The following THSD7A variants were observed in gnomAD, a reference collection of about 807,000 sequenced individuals.
The protein encoded by THSD7A is thrombospondin type-1 domain-containing protein 7A.
Under a neutral mutation model 231.3 loss-of-function variants are expected in THSD7A, and 96 were observed. That is an observed-to-expected ratio of 0.41 (90% CI 0.35 to 0.49). THSD7A has a LOEUF of 0.49. Ranked by LOEUF, THSD7A falls within the 20% of genes least tolerant of loss-of-function variation. The pLI, the probability that THSD7A is intolerant of heterozygous loss-of-function variation, is 0.05. For synonymous variants in THSD7A, 940 were observed against 743.3 expected, an observed-to-expected ratio of 1.26 and a Z score of -4.30; for missense variants, 2,290 against 2,070.2, an observed-to-expected ratio of 1.11 and a Z score of -2.06.
intron 1 of THSD7A, among the ~76,000 whole-genome samples, chr7:11,713,435 A>G (rs1207440109): frequency 6.6e-6 from 1 of 151,212 alleles, no homozygotes; most frequent in Non-Finnish European, 1.5e-5. Context: ...TGTCATAAAT[A>G]AGACTCCCTG....
At position 11,370,610 on chromosome 7, in the gene THSD7A, C is replaced by A. The variant is rs1252442232; in HGVS notation, c.*5184G>T. On this transcript the variant is annotated 3_prime_UTR_variant, in exon 28 of 28. Coordinates refer to ENST00000423059, the MANE Select transcript of THSD7A (RefSeq NM_015204.3). ...GTTAATTGTACATAGACATTTTGTGCGTTAAAAAGGAAATGTACATAATGT... is the reference window on the plus strand; with the variant it reads ...GTTAATTGTACATAGACATTTTGTGAGTTAAAAAGGAAATGTACATAATGT... 3.9e-5 allele frequency: 6 copies of A among 152,010 alleles called. No homozygotes were observed. The highest frequency in any genetic ancestry group is 2.1e-4 in the South Asian group (1 of 4,812). 9.4% of individuals were successfully genotyped at this position (152,010 alleles called of 1,614,324 possible). A position where few individuals can be genotyped will look rare whatever the true frequency, so the allele number is the denominator to read the frequency against.
At chr7:11,618,449 A>G (rs1049364404) in intron 2 of THSD7A, among the ~76,000 whole-genome samples, 36 of 152,212 alleles carry the variant, frequency 2.4e-4, no homozygotes, top group Non-Finnish European at 4.6e-4. Context: ...CCTTATTAAC[A>G]TAACTTACAC....
chr7:11,381,303 AGTT>A (rs929002090), intron 24 of THSD7A, among the ~76,000 whole-genome samples: 1 of 152,136 alleles, frequency 6.6e-6, no homozygotes, highest in African/African-American at 2.4e-5. Flanking sequence ...GACCACAGGG[AGTT>A]GTTATTATTA....
At chr7:11,390,560 G>A (rs998318742) in intron 23 of THSD7A, among the ~76,000 whole-genome samples, 2 of 152,142 alleles carry the variant, frequency 1.3e-5, no homozygotes, top group Admixed American at 1.3e-4. Context: ...TGCTCTTTTA[G>A]CTCAGAGGAG....
chr7:11,786,876 T>C (rs1202761244), intron 1 of THSD7A, among the ~76,000 whole-genome samples: 2 of 152,006 alleles, frequency 1.3e-5, no homozygotes, highest in African/African-American at 2.4e-5. Flanking sequence ...AAATTATACA[T>C]GCTTGCTGTC....
intron 23 of THSD7A, among the ~76,000 whole-genome samples, chr7:11,395,522 CT>C (rs1209808529): frequency 0.052 from 7,241 of 140,262 alleles, 319 homozygotes; most frequent in African/African-American, 0.12. Flanking sequence ...AATATGCATT[CT>C]TTTTTTTTTT....
intron 2 of THSD7A, among the ~76,000 whole-genome samples, chr7:11,608,955 A>G (rs1236337582): frequency 1.3e-5 from 2 of 152,222 alleles, no homozygotes; most frequent in African/African-American, 4.8e-5. Context: ...ATCCCTATAC[A>G]GAACATTTTC....
chr7:11,548,824 AAACT>A (rs1789505172), intron 4 of THSD7A, among the ~76,000 whole-genome samples: 1 of 147,662 alleles, frequency 6.8e-6, no homozygotes, highest in South Asian at 2.2e-4. Flanking sequence ...AACCATCAAC[AAACT>A]ATGTGTCAGA....
At chr7:11,530,566 T>C (rs1788662475) in intron 6 of THSD7A, among the ~76,000 whole-genome samples, 1 of 152,112 alleles carries the variant, frequency 6.6e-6, no homozygotes, top group Non-Finnish European at 1.5e-5. Context: ...TAGTAAACTG[T>C]AAATGATTAT....
intron 4 of THSD7A, among the ~76,000 whole-genome samples, chr7:11,589,759 T>C (rs1019610329): frequency 6.6e-6 from 1 of 152,248 alleles, no homozygotes; most frequent in East Asian, 1.9e-4. Flanking sequence ...GAACTTAAGA[T>C]GTACTAATTC....
rs972942065 is a variant in THSD7A, at chr7:11,612,806, T to C, written c.1023-19304A>G. Among the ~76,000 whole-genome samples, 9 of 152,202 alleles carry C rather than the reference T, an allele frequency of 5.9e-5. 1 individual carries two copies. The highest frequency in any genetic ancestry group is 1.3e-4 in the Admixed American group (2 of 15,280). On this transcript the variant is annotated intron_variant, in intron 2 of 27. Coordinates refer to ENST00000423059, the MANE Select transcript of THSD7A (RefSeq NM_015204.3). ...TTTTTAAAACTGGAAGGATGATAAG[T>C]GGTTAACTCTTAGTTGCCTTACTTT...
intron 2 of THSD7A, among the ~76,000 whole-genome samples, chr7:11,618,915 G>C (rs960727661): frequency 6.6e-6 from 1 of 151,888 alleles, no homozygotes; most frequent in African/African-American, 2.4e-5. Flanking sequence ...ATAGGGTTCA[G>C]AGTGGTAAGA....
intron 23 of THSD7A, among the ~76,000 whole-genome samples, chr7:11,383,343 AAC>A (rs1178533258): frequency 2.0e-5 from 3 of 152,060 alleles, no homozygotes; most frequent in African/African-American, 7.2e-5. Context: ...TGTACTACAT[AAC>A]ACAGTTTATT....
At chr7:11,437,882 C>A (rs1006149885) in intron 13 of THSD7A, among the ~76,000 whole-genome samples, 1 of 151,910 alleles carries the variant, frequency 6.6e-6, no homozygotes, top group African/African-American at 2.4e-5. Context: ...TATTCTCTAC[C>A]CATATTCATG....
chr7:11,483,658 G>T (rs1370053364), intron 6 of THSD7A, among the ~76,000 whole-genome samples: 1 of 151,906 alleles, frequency 6.6e-6, no homozygotes, highest in Admixed American at 6.6e-5. Context: ...TTTTCTACTA[G>T]GCTTTTTCTT....
chr7:11,820,119 G>C (rs1467952606), intron 1 of THSD7A, among the ~76,000 whole-genome samples: 2 of 151,878 alleles, frequency 1.3e-5, no homozygotes, highest in South Asian at 4.2e-4. Flanking sequence ...CCTGACCCCC[G>C]GGCTCCACCG....
chr7:11,398,398 TA>T (rs1783274001), intron 23 of THSD7A, among the ~76,000 whole-genome samples: 1 of 151,828 alleles, frequency 6.6e-6, no homozygotes, highest in Non-Finnish European at 1.5e-5. Flanking sequence ...GGGTAGGGGC[TA>T]GGGGAGGGAT....
rs1311845054 is a variant in THSD7A at position 11,379,322 on chromosome 7, T to A, written c.4591-42A>T. 5 of 1,594,132 alleles carry A rather than the reference T, an allele frequency of 3.1e-6. No homozygotes were observed. The South Asian group carries it at 4.4e-5, about 14-fold the overall frequency. ...AGATTTATACTAGCCATGCAAGGAATCTTTGGAAGTCTAACAGACCTGACT... is the reference window on the plus strand; with the variant it reads ...AGATTTATACTAGCCATGCAAGGAAACTTTGGAAGTCTAACAGACCTGACT... On this transcript the variant is annotated intron_variant, in intron 25 of 27. Coordinates refer to ENST00000423059, the MANE Select transcript of THSD7A (RefSeq NM_015204.3).
At chr7:11,811,283 T>C (rs962693110) in intron 1 of THSD7A, among the ~76,000 whole-genome samples, 2 of 152,106 alleles carry the variant, frequency 1.3e-5, no homozygotes, top group African/African-American at 4.8e-5. Flanking sequence ...GTAAAGACCT[T>C]CAACAAAGAA....
Sources: allele counts gnomAD v4.1 joint callset (sites outside exome capture counted in the v4.1 genomes callset), GRCh38; gene constraint gnomAD v4.1.1; transcripts MANE v1.5; gene names NCBI Gene and HGNC (gene_info 2026-07-23, HGNC 2026-07-21).